The following HCN1 variants were observed in gnomAD, a reference collection of about 807,000 sequenced individuals.
HCN1 encodes the protein potassium/sodium hyperpolarization-activated cyclic nucleotide-gated channel 1.
Under a neutral mutation model 78.9 loss-of-function variants are expected in HCN1, and 13 were observed. That is an observed-to-expected ratio of 0.16 (90% CI 0.11 to 0.26). The LOEUF (loss-of-function observed/expected upper bound fraction) is 0.26. Among genes scored for constraint, HCN1 ranks in the 10% least tolerant of loss-of-function variants. The pLI is 1.00. For missense variants in HCN1, 810 were observed against 1,154.3 expected, an observed-to-expected ratio of 0.70 and a Z score of 4.32; for synonymous variants, 552 against 455.5, an observed-to-expected ratio of 1.21 and a Z score of -2.70.
chr5:45,380,578 G>T (rs1410091481), intron 4 of HCN1, among the ~76,000 whole-genome samples: 1 of 151,970 alleles, frequency 6.6e-6, no homozygotes, highest in Non-Finnish European at 1.5e-5. Flanking sequence ...TTCATCAGAA[G>T]AAAATGGTAA....
intron 5 of HCN1, among the ~76,000 whole-genome samples, chr5:45,327,545 C>T (rs1452358734): frequency 6.6e-6 from 1 of 151,624 alleles, no homozygotes; most frequent in Non-Finnish European, 1.5e-5. Context: ...ATTAAACATT[C>T]TTTTATCTCT....
intron 7 of HCN1, among the ~76,000 whole-genome samples, chr5:45,263,458 C>T (rs1407518765): frequency 6.6e-6 from 1 of 152,226 alleles, no homozygotes; most frequent in East Asian, 1.9e-4. Flanking sequence ...CTGCCCCTGT[C>T]TCATCTGTGT....
chr5:45,616,783 T>G (rs528730092), intron 2 of HCN1, among the ~76,000 whole-genome samples: 14 of 152,014 alleles, frequency 9.2e-5, no homozygotes, highest in African/African-American at 3.1e-4. Flanking sequence ...GAAAAGAAAA[T>G]AGGAAAAATA....
intron 2 of HCN1, among the ~76,000 whole-genome samples, chr5:45,553,305 T>A (rs1743407327): frequency 6.6e-6 from 1 of 151,808 alleles, no homozygotes; most frequent in Non-Finnish European, 1.5e-5. Flanking sequence ...ATTGGCTACA[T>A]CCTCTCTTGC....
At chr5:45,553,919 C>T (rs1041978008) in intron 2 of HCN1, among the ~76,000 whole-genome samples, 7 of 151,886 alleles carry the variant, frequency 4.6e-5, no homozygotes, top group African/African-American at 1.4e-4. Flanking sequence ...ATGCCCCTTA[C>T]TCTAAGTATG....
At chr5:45,493,866 T>C (rs1201754617) in intron 2 of HCN1, among the ~76,000 whole-genome samples, 1 of 151,442 alleles carries the variant, frequency 6.6e-6, no homozygotes, top group East Asian at 1.9e-4. Flanking sequence ...TTTTTTGTTC[T>C]TGCGATAGTT....
intron 2 of HCN1, among the ~76,000 whole-genome samples, chr5:45,522,447 A>G (rs1742634273): frequency 6.6e-6 from 1 of 152,060 alleles, no homozygotes; most frequent in Non-Finnish European, 1.5e-5. Flanking sequence ...CTCAGCATCA[A>G]TCTCAACACA....
chr5:45,299,378 A>C (rs764720061), intron 6 of HCN1, among the ~76,000 whole-genome samples: 3 of 152,014 alleles, frequency 2.0e-5, no homozygotes, highest in Non-Finnish European at 4.4e-5. Context: ...TAACCGTAAA[A>C]AGGGAACCAT....
chr5:45,265,094 G>A (rs1744830947), intron 7 of HCN1, among the ~76,000 whole-genome samples: 1 of 152,004 alleles, frequency 6.6e-6, no homozygotes, highest in Non-Finnish European at 1.5e-5. Flanking sequence ...GGAGGCTGAG[G>A]CAGGAGAATT....
rs569325544 is a variant in HCN1, at chr5:45,457,535, C to T, written c.1011+4311G>A. Among the ~76,000 whole-genome samples the T allele has an allele frequency of 7.9e-5, 12 of 152,202 alleles. No individual in the cohort carries two copies. In the South Asian group the frequency reaches 1.2e-3, roughly 16 times the overall value. On this transcript the variant is annotated intron_variant, in intron 3 of 7. Transcript: ENST00000303230. Reference sequence around the variant, plus strand: ...ACAAAGCAAAGTTACTTCCTGTTCACGTTGTGTTTTGCAAGTCAGTATCTC... The same window carrying T: ...ACAAAGCAAAGTTACTTCCTGTTCATGTTGTGTTTTGCAAGTCAGTATCTC...
intron 4 of HCN1, among the ~76,000 whole-genome samples, chr5:45,357,803 T>C (rs1322979082): frequency 1.3e-5 from 2 of 152,064 alleles, no homozygotes; most frequent in Admixed American, 1.3e-4. Context: ...CCCAGTGTTG[T>C]AGGTGGGACC....
chr5:45,276,683 A>G (rs1056876941), intron 6 of HCN1, among the ~76,000 whole-genome samples: 1 of 152,136 alleles, frequency 6.6e-6, no homozygotes, highest in Non-Finnish European at 1.5e-5. Flanking sequence ...AGAATTATAA[A>G]TTCAAGCATA....
chr5:45,298,944 T>C (rs1745552214), intron 6 of HCN1, among the ~76,000 whole-genome samples: 1 of 152,018 alleles, frequency 6.6e-6, no homozygotes, highest in Non-Finnish European at 1.5e-5. Flanking sequence ...ATGAGAATGG[T>C]ACTTTAAGTC....
intron 2 of HCN1, among the ~76,000 whole-genome samples, chr5:45,508,202 T>C (rs1442815677): frequency 6.6e-6 from 1 of 152,138 alleles, no homozygotes; most frequent in Non-Finnish European, 1.5e-5. Context: ...TGGAAATGTA[T>C]GTGAAAAGTT....
chr5:45,630,306 C>T (rs1025526682), intron 2 of HCN1, among the ~76,000 whole-genome samples: 3 of 152,146 alleles, frequency 2.0e-5, no homozygotes, highest in Non-Finnish European at 2.9e-5. Context: ...GATTTATATC[C>T]TGGCACTATA....
At chr5:45,400,508 T>G (rs1579869475) in intron 3 of HCN1, among the ~76,000 whole-genome samples, 1 of 151,464 alleles carries the variant, frequency 6.6e-6, no homozygotes. Context: ...AAGTGATTCT[T>G]TTGCCTCAGC....
At chr5:45,332,377 A>G (rs1172019408) in intron 5 of HCN1, among the ~76,000 whole-genome samples, 1 of 151,438 alleles carries the variant, frequency 6.6e-6, no homozygotes, top group Admixed American at 6.6e-5. Context: ...TGTACGGTGA[A>G]GTTATTGTTC....
At chr5:45,386,995 T>C (rs904058979) in intron 4 of HCN1, among the ~76,000 whole-genome samples, 1 of 152,008 alleles carries the variant, frequency 6.6e-6, no homozygotes, top group African/African-American at 2.4e-5. Context: ...TATTGTAAGA[T>C]AATTTCACTT....
intron 1 of HCN1, among the ~76,000 whole-genome samples, chr5:45,669,628 T>C (rs1405064413): frequency 6.6e-6 from 1 of 151,788 alleles, no homozygotes; most frequent in Non-Finnish European, 1.5e-5. Context: ...GCCAAGTTTG[T>C]TCCAACAGGA....
Sources: gnomAD v4.1 joint callset for allele counts (sites outside exome capture counted in the v4.1 genomes callset) on GRCh38, gnomAD v4.1.1 for gene constraint, MANE v1.5 for transcripts, NCBI Gene and HGNC (gene_info 2026-07-23, HGNC 2026-07-21) for gene names.